The following IMMP2L variants were observed in gnomAD, a reference collection of about 807,000 sequenced individuals.
IMMP2L encodes the protein inner mitochondrial membrane peptidase subunit 2.
Under a neutral mutation model 19.3 loss-of-function variants are expected in IMMP2L, and 18 were observed. That is an observed-to-expected ratio of 0.93 (90% CI 0.64 to 1.38). The LOEUF (loss-of-function observed/expected upper bound fraction) is 1.38. Ranked by LOEUF, IMMP2L falls within the 40% of genes most tolerant of loss-of-function variation. The pLI is 0.00. For missense variants in IMMP2L, 233 were observed against 218.2 expected, an observed-to-expected ratio of 1.07 and a Z score of -0.43; for synonymous variants, 76 against 73.0, an observed-to-expected ratio of 1.04 and a Z score of -0.21.
chr7:110,887,921 T>C (rs1395481390), intron 4 of IMMP2L, among the ~76,000 whole-genome samples: 1 of 152,116 alleles, frequency 6.6e-6, no homozygotes, highest in African/African-American at 2.4e-5. Context: ...TTTGAGACTA[T>C]TTTTATTAGT....
chr7:111,309,188 A>G (rs1823222963), intron 3 of IMMP2L, among the ~76,000 whole-genome samples: 2 of 152,186 alleles, frequency 1.3e-5, no homozygotes, highest in Non-Finnish European at 2.9e-5. Flanking sequence ...TGGAGAAAAT[A>G]CAATTGTTTT....
At chr7:111,124,928 T>C (rs1470576699) in intron 3 of IMMP2L, 13 of 1,198,786 alleles carry the variant, frequency 1.1e-5, no homozygotes, top group South Asian at 2.9e-5. Flanking sequence ...ACTCCAAAAA[T>C]GAACAAAAAA....
chr7:111,222,850 C>G (rs1402054737), intron 3 of IMMP2L, among the ~76,000 whole-genome samples: 2 of 151,924 alleles, frequency 1.3e-5, no homozygotes, highest in African/African-American at 4.8e-5. Context: ...AATCTGTTGT[C>G]CATGTGGATA....
At chr7:110,773,240 T>C (rs1799155662) in intron 5 of IMMP2L, among the ~76,000 whole-genome samples, 1 of 152,092 alleles carries the variant, frequency 6.6e-6, no homozygotes, top group African/African-American at 2.4e-5. Context: ...CTTTCGATGT[T>C]TCAAGGTCTC....
At chr7:111,172,428 C>T (rs940253049) in intron 3 of IMMP2L, among the ~76,000 whole-genome samples, 13 of 151,582 alleles carry the variant, frequency 8.6e-5, no homozygotes, top group East Asian at 3.9e-4. Flanking sequence ...ATGTATACAA[C>T]GTGTAATGAT....
chr7:110,757,909 C>T lies in IMMP2L; in HGVS notation c.409-94188G>A, dbSNP rs1251313632. Among the ~76,000 whole-genome samples the T allele has an allele frequency of 1.3e-5, 2 of 151,954 alleles. No individual in the cohort carries two copies. The highest frequency in any genetic ancestry group is 1.9e-4 in the East Asian group (1 of 5,146). On this transcript the variant is annotated intron_variant, in intron 5 of 5. Transcript: ENST00000405709. The surrounding 1 kb of genome is among the most constrained non-coding windows in gnomAD (Gnocchi z 4.2). ...GAGAATTTCAGGCACTGGAAATAGC[C>T]GAGGGGAAGGTGGTAGAAGGAAGTG... is the stretch of plus-strand genomic sequence containing the variant.
intron 3 of IMMP2L, among the ~76,000 whole-genome samples, chr7:111,042,444 G>A (rs935616879): frequency 6.6e-6 from 1 of 152,216 alleles, no homozygotes. Context: ...GCCTCCCAAA[G>A]TGTTGGGATT....
At chr7:111,270,769 T>C (rs1231547617) in intron 3 of IMMP2L, among the ~76,000 whole-genome samples, 4 of 152,298 alleles carry the variant, frequency 2.6e-5, no homozygotes, top group Non-Finnish European at 2.9e-5. Context: ...CACAAGTATT[T>C]ATTTGTTTTT....
In IMMP2L at chr7:110,727,390, C is replaced by CTAAATAAA. The variant is rs58224781; in HGVS notation, c.409-63677_409-63670dup. 4.3e-4 allele frequency among the ~76,000 whole-genome samples: 64 copies of CTAAATAAA among 147,424 alleles called. No homozygotes were observed. The highest frequency in any genetic ancestry group is 1.0e-3 in the African/African-American group (39 of 38,508). ...TGGATGACAGAGTGAGACTCTGTCT[C>CTAAATAAA]TAAATAAATAAATAAATAAATAAAT... On this transcript the variant is annotated intron_variant, in intron 5 of 5. Coordinates refer to ENST00000405709, the MANE Select transcript of IMMP2L (RefSeq NM_032549.4). The surrounding 1 kb of genome is among the most constrained non-coding windows in gnomAD (Gnocchi z 4.3).
chr7:110,914,783 A>C (rs1813418874), intron 4 of IMMP2L, among the ~76,000 whole-genome samples: 1 of 114,940 alleles, frequency 8.7e-6, no homozygotes, highest in Admixed American at 8.5e-5. Context: ...TTTTTGAAAT[A>C]TGTGCATTTT....
chr7:111,281,202 GAAAGAAAGAAAGAA>G (rs1430747109), intron 3 of IMMP2L, among the ~76,000 whole-genome samples: 3,530 of 42,024 alleles, frequency 0.084, 170 homozygotes, highest in African/African-American at 0.097. Flanking sequence ...AAGAAAGAAA[GAAAGAAAGAAAGAA>G]AAAGAAAGAA....
rs527584855 is a variant in IMMP2L, at chr7:111,079,961, A to G, written c.240-116396T>C. ...GATGCCCTCTGCCATGTGTGATGTC[A>G]TAAGGTCCTTATTAGATGCAGCCCC... On this transcript the variant is annotated intron_variant, in intron 3 of 5. Coordinates refer to ENST00000405709, the MANE Select transcript of IMMP2L (RefSeq NM_032549.4). Among the ~76,000 whole-genome samples the G allele has an allele frequency of 1.6e-3, 237 of 152,248 alleles. 1 individual carries two copies. The highest frequency in any genetic ancestry group is 0.014 in the Middle Eastern group (4 of 292).
chr7:111,219,494 G>A (rs1812295506), intron 3 of IMMP2L, among the ~76,000 whole-genome samples: 1 of 151,886 alleles, frequency 6.6e-6, no homozygotes, highest in Non-Finnish European at 1.5e-5. Flanking sequence ...AGTAAACAGG[G>A]CTAGCTAAAC....
At chr7:110,781,089 A>G (rs915311695) in intron 5 of IMMP2L, among the ~76,000 whole-genome samples, 45 of 151,990 alleles carry the variant, frequency 3.0e-4, no homozygotes, top group African/African-American at 1.1e-3. Context: ...TCATGAGTTT[A>G]TAAGAATTTG....
chr7:111,539,181 AAG>A (rs1199927438), intron 1 of IMMP2L, among the ~76,000 whole-genome samples: 23 of 70,252 alleles, frequency 3.3e-4, no homozygotes, highest in African/African-American at 1.3e-3. Flanking sequence ...GGAAGGAAGG[AAG>A]GAAGGAAGGA....
chr7:111,408,085 T>C (rs1042648172), intron 3 of IMMP2L, among the ~76,000 whole-genome samples: 13 of 151,946 alleles, frequency 8.6e-5, no homozygotes, highest in African/African-American at 3.1e-4. Context: ...AATTAACTTA[T>C]AAAAATAAAA....
intron 3 of IMMP2L, among the ~76,000 whole-genome samples, chr7:111,304,420 A>AT (rs1245349058): frequency 6.6e-6 from 1 of 152,058 alleles, no homozygotes; most frequent in Non-Finnish European, 1.5e-5. Flanking sequence ...TGGAAATGAA[A>AT]TTAGCACCCT....
intron 3 of IMMP2L, among the ~76,000 whole-genome samples, chr7:111,079,967 T>C (rs1291709034): frequency 6.6e-6 from 1 of 151,900 alleles, no homozygotes; most frequent in Non-Finnish European, 1.5e-5. Context: ...TGTCATAAGG[T>C]CCTTATTAGA....
At chr7:110,957,485 T>C (rs148157265) in intron 4 of IMMP2L, among the ~76,000 whole-genome samples, 148 of 152,002 alleles carry the variant, frequency 9.7e-4, no homozygotes, top group African/African-American at 3.3e-3. Flanking sequence ...TTTAGTCTAT[T>C]CTCCAAGCAG....
Sources: allele counts gnomAD v4.1 joint callset (sites outside exome capture counted in the v4.1 genomes callset), GRCh38; gene constraint gnomAD v4.1.1; non-coding constraint Gnocchi (gnomAD v3.1); transcripts MANE v1.5; gene names NCBI Gene and HGNC (gene_info 2026-07-23, HGNC 2026-07-21).